GFM2: variants seen among roughly 807,000 people sequenced by gnomAD.
GFM2 encodes ribosome-releasing factor 2, mitochondrial.
Under a neutral mutation model 95.4 loss-of-function variants are expected in GFM2, and 72 were observed. The observed-to-expected ratio is 0.76, with a 90% CI of 0.62 to 0.92. GFM2 has a LOEUF of 0.92. Ranked by LOEUF, GFM2 falls within the 40% of genes least tolerant of loss-of-function variation. The pLI, the probability that GFM2 is intolerant of heterozygous loss-of-function variation, is 0.00. For synonymous variants in GFM2, 276 were observed against 317.5 expected, an observed-to-expected ratio of 0.87 and a Z score of 1.39; for missense variants, 825 against 924.1, an observed-to-expected ratio of 0.89 and a Z score of 1.39.
At chr5:74,757,089 A>G (rs2112348368) in intron 5 of GFM2, among the ~76,000 whole-genome samples, 1 of 152,318 alleles carries the variant, frequency 6.6e-6, no homozygotes, top group African/African-American at 2.4e-5. Context: ...AATAAGCCTT[A>G]GGGGAGAAAA....
intron 5 of GFM2, among the ~76,000 whole-genome samples, chr5:74,757,328 T>C (rs985747315): frequency 1.3e-5 from 2 of 151,762 alleles, no homozygotes; most frequent in African/African-American, 4.9e-5. Flanking sequence ...GAGAGCAAGA[T>C]CTTGATATTC....
rs780917501 is a variant in GFM2, at chr5:74,758,870, C to T, written c.283G>A (p.Gly95Arg). The T allele has an allele frequency of 1.7e-5, 28 of 1,602,136 alleles. No homozygotes were observed. The highest frequency in any genetic ancestry group is 1.2e-4 in the African/African-American group (9 of 74,590). ...TTTERILYYS[G>R]YTRSLGDVDD... ...TAACCTCCCAGTGATCTTGTATATC[C>T]GGAATAGTACAATATTCTTTCTGTG... Residue 95 changes from glycine (G) to arginine (R), a missense_variant, in exon 5 of 21, where the codon GGA becomes AGA. By Grantham distance (125) the Gly-to-Arg change is moderately radical. Coordinates refer to ENST00000296805, the MANE Select transcript of GFM2 (RefSeq NM_032380.5).
intron 7 of GFM2, among the ~76,000 whole-genome samples, chr5:74,749,860 A>AGCT (rs1743604115): frequency 6.6e-6 from 1 of 152,168 alleles, no homozygotes; most frequent in African/African-American, 2.4e-5. Flanking sequence ...TCCTCTAAGA[A>AGCT]ATTTTTACCT....
In GFM2 at chr5:74,736,854, C is replaced by A. The variant is rs1742857524; in HGVS notation, c.1452G>T (p.Glu484Asp). Reference protein sequence around the residue: ...EAERLLLAGVEIPEPVFFCTI... With the variant: ...EAERLLLAGVDIPEPVFFCTI... ...TACAGAAGAAAACAGGTTCTGGAAT[C>A]TCCACTCCAGCCAATAAAAGTCTCT... The change falls in exon 15 of 21, where the codon GAG (glutamate) becomes GAT (aspartate). Residue 484 changes from glutamate (E) to aspartate (D), a missense_variant. Transcript: ENST00000296805. The A allele has an allele frequency of 1.2e-6, 2 of 1,613,912 alleles. No homozygotes were observed. Among genetic ancestry groups the A allele is most frequent in the Non-Finnish European group, 1.7e-6 (2 of 1,179,866 alleles).
At chr5:74,752,907 G>A (rs1743789433) in intron 5 of GFM2, among the ~76,000 whole-genome samples, 1 of 152,166 alleles carries the variant, frequency 6.6e-6, no homozygotes, top group Non-Finnish European at 1.5e-5. Flanking sequence ...AATCTGAACA[G>A]TAGCCCTTAA....
In GFM2 at chr5:74,747,681, A is replaced by T; in HGVS notation, c.608+11T>A. ...TCACCCTGATAAGCCAATGAAACACATTTCAAATACCTTGCTCCAGTTTTG... is the reference window on the plus strand; with the variant it reads ...TCACCCTGATAAGCCAATGAAACACTTTTCAAATACCTTGCTCCAGTTTTG... On this transcript the variant is annotated intron_variant, in intron 8 of 20. Coordinates refer to ENST00000296805, the MANE Select transcript of GFM2 (RefSeq NM_032380.5). 1 of 1,550,162 alleles carries T rather than the reference A, an allele frequency of 6.5e-7. No individual in the cohort carries two copies.
intron 20 of GFM2, 61 bp from the exon 21 acceptor site, chr5:74,721,844 G>C (rs1749902495): frequency 1.3e-6 from 2 of 1,489,080 alleles, no homozygotes; most frequent in Admixed American, 4.0e-5. Context: ...TTCTCTTCCT[G>C]CTGATTATCT....
chr5:74,761,595 A>C (rs1036870803), intron 2 of GFM2, among the ~76,000 whole-genome samples: 40 of 152,212 alleles, frequency 2.6e-4, no homozygotes, highest in African/African-American at 9.7e-4. Context: ...AGAGAAAATG[A>C]GAACTGGAGG....
In GFM2 at chr5:74,751,358, C is replaced by T. The variant is rs936907691; in HGVS notation, c.430+10G>A. ...CGCAGCATCTCTGTGTTACTGGAAT[C>T]GTACCATACCTGGTGTATCAATTAG... On this transcript the variant is annotated intron_variant, in intron 6 of 20. Transcript: ENST00000296805. 13 of 1,608,384 alleles carry T rather than the reference C, an allele frequency of 8.1e-6. No homozygotes were observed. The highest frequency in any genetic ancestry group is 1.1e-5 in the South Asian group (1 of 89,892).
Position 74,721,374 on chromosome 5 carries a change from GTGATACCACTCTTC to G in GFM2, c.*267_*280del, listed in dbSNP as rs1478987864. On this transcript the variant is annotated 3_prime_UTR_variant, in exon 21 of 21. Transcript: ENST00000296805. ...AAGGACACAAAAGAAACACAACTTT[GTGATACCACTCTTC>G]TGAAGGCTACTTATAGTAATAACTT... 1 of 728,424 alleles carries G rather than the reference GTGATACCACTCTTC, an allele frequency of 1.4e-6. No individual in the cohort carries two copies. Among genetic ancestry groups the G allele is most frequent in the East Asian group, 2.7e-5 (1 of 37,082 alleles). 45.1% of individuals were successfully genotyped at this position (728,424 alleles called of 1,614,324 possible).
chr5:74,721,667 A>G lies in GFM2; in HGVS notation c.2328T>C (p.Ser776=), dbSNP rs1289779028. The change falls in exon 21 of 21, where the codon AGT becomes AGC. Residue 776 remains serine, a synonymous_variant. Transcript: ENST00000296805. ...AAAACTAAAACATTTAGGTCAAACC[A>G]CTTCTCCGGTTGAGCAGTGTATTTT... ...QDQNTLLNRR[S]GLT is the part of the protein sequence containing the mutation. 4 of 1,612,316 alleles carry G rather than the reference A, an allele frequency of 2.5e-6. No individual in the cohort carries two copies. The highest frequency in any genetic ancestry group is 3.4e-6 in the Non-Finnish European group (4 of 1,179,496).
Position 74,741,560 on chromosome 5 carries a change from C to T in GFM2, c.899G>A (p.Ser300Asn), listed in dbSNP as rs1743106113. ...EFADLVLEEF[S>N]ENFDLLPAEK... ...AGCTGGTAACAAATCAAAATTCTCA[C>T]TAAATTCTTCTAAAACCAAGTCAGC... Residue 300 changes from serine to asparagine, a missense_variant, in exon 11 of 21, where the codon AGT becomes AAT. Transcript: ENST00000296805. The T allele has an allele frequency of 6.3e-7, 1 of 1,583,904 alleles. No homozygotes were observed.
intron 10 of GFM2, among the ~76,000 whole-genome samples, chr5:74,742,098 G>C (rs1306218850): frequency 6.6e-6 from 1 of 152,178 alleles, no homozygotes; most frequent in Non-Finnish European, 1.5e-5. Flanking sequence ...TTAGGGAAGG[G>C]AGGCGTAGGC....
rs1743042659 is a variant in GFM2, at chr5:74,740,148, G to A, written c.931-11C>T. 1 of 1,589,332 alleles carries A rather than the reference G, an allele frequency of 6.3e-7. No homozygotes were observed. ...TATTGCAGTCTGTAGCTACAGAGCA[G>A]AGATACAAATGAGCATTTATTTTGT... On this transcript the variant is annotated splice_polypyrimidine_tract_variant and intron_variant, in intron 11 of 20. Coordinates refer to ENST00000296805, the MANE Select transcript of GFM2 (RefSeq NM_032380.5).
Position 74,721,488 on chromosome 5 carries a change from G to T in GFM2, c.*167C>A. The stretch of plus-strand genomic sequence containing the variant: ...CATTTCTCATTATATAAATTAAAAC[G>T]GGTGGCTCCAGTGCCACTATCAAAG... On this transcript the variant is annotated 3_prime_UTR_variant, in exon 21 of 21. Coordinates refer to ENST00000296805, the MANE Select transcript of GFM2 (RefSeq NM_032380.5). The T allele has an allele frequency of 1.3e-6, 1 of 768,502 alleles. No homozygotes were observed. Among genetic ancestry groups the T allele is most frequent in the Non-Finnish European group, 2.2e-6 (1 of 453,480 alleles). The allele number at this position is 768,502 out of a possible 1,614,324, so 47.6% of individuals were successfully genotyped here.
intron 17 of GFM2, among the ~76,000 whole-genome samples, chr5:74,729,186 C>T (rs905166715): frequency 2.6e-5 from 4 of 152,174 alleles, no homozygotes; most frequent in African/African-American, 9.7e-5. Context: ...TTTTTCAGGG[C>T]ACACTGGTTC....
At chr5:74,764,651 C>T (rs1030699034) in intron 1 of GFM2, among the ~76,000 whole-genome samples, 1 of 151,998 alleles carries the variant, frequency 6.6e-6, no homozygotes, top group African/African-American at 2.4e-5. Context: ...ATATGTGAAA[C>T]CTCATTACTA....
At chr5:74,724,638 A>C (rs1427830824) in intron 19 of GFM2, among the ~76,000 whole-genome samples, 3 of 152,326 alleles carry the variant, frequency 2.0e-5, no homozygotes, top group Non-Finnish European at 4.4e-5. Flanking sequence ...AAGAAGTATA[A>C]ATTTAAACTC....
At chr5:74,730,531 G>T in intron 16 of GFM2, 133 bp from the exon 17 acceptor site, 1 of 571,606 alleles carries the variant, frequency 1.7e-6, no homozygotes, top group Non-Finnish European at 2.7e-6. Flanking sequence ...TTTTTGGCCC[G>T]GGGCTTTTAC....
Sources: gnomAD v4.1 joint callset for allele counts (sites outside exome capture counted in the v4.1 genomes callset) on GRCh38, gnomAD v4.1.1 for gene constraint, MANE v1.5 for transcripts, NCBI Gene and HGNC (gene_info 2026-07-23, HGNC 2026-07-21) for gene names.